The following GATAD2B variants were observed in gnomAD, a reference collection of about 807,000 sequenced individuals.
The protein encoded by GATAD2B is GATA zinc finger domain containing 2B, also known as transcriptional repressor p66-beta.
In GATAD2B, 8 loss-of-function variants were observed where a neutral mutation model predicts 64.3. The observed-to-expected ratio is 0.12, with a 90% confidence interval of 0.07 to 0.22. The LOEUF is 0.22. Ranked by LOEUF, GATAD2B falls within the 10% of genes least tolerant of loss-of-function variation. The pLI is 1.00. For missense variants in GATAD2B, 453 were observed against 752.0 expected, an observed-to-expected ratio of 0.60 and a Z score of 4.65; for synonymous variants, 281 against 271.3, an observed-to-expected ratio of 1.04 and a Z score of -0.35.
chr1:153,910,408 T>G (rs188254320), intron 1 of GATAD2B, among the ~76,000 whole-genome samples: 11 of 152,302 alleles, frequency 7.2e-5, no homozygotes, highest in African/African-American at 2.6e-4. Context: ...TGGTATAATA[T>G]TCAATAAATT....
At chr1:153,852,573 T>C (rs1675939408) in intron 1 of GATAD2B, 2 of 773,124 alleles carry the variant, frequency 2.6e-6, no homozygotes, top group Admixed American at 1.7e-5. Context: ...CTAGAGCTTA[T>C]CCTGAGCATC....
intron 1 of GATAD2B, chr1:153,914,747 A>G (rs1678212816): frequency 6.5e-6 from 1 of 152,696 alleles, no homozygotes; most frequent in African/African-American, 2.4e-5. Context: ...CTGCCTGGGC[A>G]ACACAGGGAG....
rs577507002 is a variant in GATAD2B at position 153,809,910 on chromosome 1, G to T, written c.*267C>A. 10 of 354,102 alleles carry T rather than the reference G, an allele frequency of 2.8e-5. No individual in the cohort carries two copies. In the South Asian group the frequency reaches 4.0e-4, roughly 14 times the overall value. The allele number at this position is 354,102 out of a possible 1,614,324, so 21.9% of individuals were successfully genotyped here. A position where few individuals can be genotyped will look rare whatever the true frequency, so the allele number is the denominator to read the frequency against. ...GACCTCATTCTGACCTCTATCAGAGGTAAAGATCCACCTCACTGTTAAAGA... is the reference window on the plus strand; with the variant it reads ...GACCTCATTCTGACCTCTATCAGAGTTAAAGATCCACCTCACTGTTAAAGA... On this transcript the variant is annotated 3_prime_UTR_variant, in exon 11 of 11. Transcript: ENST00000368655.
intron 5 of GATAD2B, 81 bp from the exon 6 acceptor site, chr1:153,817,623 A>G (rs1317198287): frequency 1.1e-6 from 1 of 935,558 alleles, no homozygotes; most frequent in Non-Finnish European, 1.5e-6. Flanking sequence ...AAGGGAAAAC[A>G]CTGCCTATAA....
In GATAD2B at chr1:153,841,548, G is replaced by C. The variant is rs183276291; in HGVS notation, c.-1-13200C>G. Among the ~76,000 whole-genome samples, 28 of 152,254 alleles carry C rather than the reference G, an allele frequency of 1.8e-4. 1 individual carries two copies. The Middle Eastern group carries it at 0.024, about 129-fold the overall frequency. ...AAACTATTATAAAGTTGGAATCATA[G>C]AGTATGTAACTTTTAGGACTGGCCT... is the stretch of plus-strand genomic sequence containing the variant. On this transcript the variant is annotated intron_variant, in intron 1 of 10. Transcript: ENST00000368655.
At chr1:153,901,494 T>C (rs565872476) in intron 1 of GATAD2B, among the ~76,000 whole-genome samples, 292 of 152,280 alleles carry the variant, frequency 1.9e-3, no homozygotes, top group Non-Finnish European at 2.9e-3. Context: ...ATTTTGATAC[T>C]TCCATGAAAG....
intron 1 of GATAD2B, chr1:153,852,094 CA>C (rs1675917166): frequency 5.2e-6 from 3 of 573,758 alleles, no homozygotes; most frequent in Non-Finnish European, 6.3e-6. Flanking sequence ...GTGACAGGGG[CA>C]AGTTTAATGA....
At chr1:153,840,047 TTTGAGACGGAGTCTCACTC>T in intron 1 of GATAD2B, among the ~76,000 whole-genome samples, 1 of 146,558 alleles carries the variant, frequency 6.8e-6, no homozygotes, top group Non-Finnish European at 1.5e-5. Context: ...TTTTTTTTTT[TTTGAGACGGAGTCTCACTC>T]TTGTTGCCCA....
chr1:153,874,824 GCCTTGGCCCCC>G (rs1676774734), intron 1 of GATAD2B, among the ~76,000 whole-genome samples: 1 of 151,548 alleles, frequency 6.6e-6, no homozygotes, highest in Admixed American at 6.6e-5. Context: ...TGATCCACTC[GCCTTGGCCCCC>G]CAAAGTGCTG....
chr1:153,845,040 C>T (rs1457710190), intron 1 of GATAD2B, among the ~76,000 whole-genome samples: 1 of 151,922 alleles, frequency 6.6e-6, no homozygotes, highest in Non-Finnish European at 1.5e-5. Context: ...GACTTTAAAA[C>T]AGATATTAAT....
At position 153,810,206 on chromosome 1, in the gene GATAD2B, T is replaced by C. The variant is rs372276373; in HGVS notation, c.1753A>G (p.Ile585Val). 121 of 1,612,452 alleles carry C rather than the reference T, an allele frequency of 7.5e-5. No homozygotes were observed. Among genetic ancestry groups the C allele is most frequent in the Non-Finnish European group, 9.7e-5 (114 of 1,179,412 alleles). ...TTCTGTCCACTGATGGACTGCGATATAGACCGGGGAGGGATCATGTCTAAA... is the reference window on the plus strand; with the variant it reads ...TTCTGTCCACTGATGGACTGCGATACAGACCGGGGAGGGATCATGTCTAAA... ...YLLDMIPPRS[I>V]SQSISGQK The change falls in exon 11 of 11, where the codon ATA becomes GTA. Residue 585 changes from isoleucine to valine, a missense_variant. Physicochemically the swap from Ile to Val is conservative, Grantham distance 29. Around this residue, in one of 2 missense-constraint regions of GATAD2B, gnomAD observed 160 missense variants for 334.7 expected, o/e 0.48. Transcript: ENST00000368655.
chr1:153,861,258 A>G (rs1676269623), intron 1 of GATAD2B, among the ~76,000 whole-genome samples: 1 of 152,070 alleles, frequency 6.6e-6, no homozygotes, highest in South Asian at 2.1e-4. Context: ...ACTTGTCAGA[A>G]AAGTAAAAAT....
intron 1 of GATAD2B, 105 bp from the exon 2 acceptor site, chr1:153,828,453 C>CAG: frequency 4.9e-6 from 3 of 607,472 alleles, no homozygotes; most frequent in East Asian, 2.8e-5. Flanking sequence ...CTCTCTCACA[C>CAG]ATACACACAC....
chr1:153,864,036 G>A (rs773470791), intron 1 of GATAD2B, among the ~76,000 whole-genome samples: 2 of 152,184 alleles, frequency 1.3e-5, no homozygotes, highest in Non-Finnish European at 2.9e-5. Flanking sequence ...TACCATGGAA[G>A]TAATAATAAT....
chr1:153,872,174 C>T (rs775770023), intron 1 of GATAD2B, among the ~76,000 whole-genome samples: 4 of 151,568 alleles, frequency 2.6e-5, no homozygotes, highest in Non-Finnish European at 4.4e-5. Flanking sequence ...GAAAAAGTAG[C>T]TGGGTGTGGT....
intron 10 of GATAD2B, chr1:153,811,449 G>A (rs944434634): frequency 1.7e-5 from 8 of 458,982 alleles, no homozygotes; most frequent in Non-Finnish European, 3.1e-5. Flanking sequence ...CTGCTGTCCC[G>A]GCCAAAAGAG....
chr1:153,911,745 AC>A (rs1678114374), intron 1 of GATAD2B, among the ~76,000 whole-genome samples: 1 of 147,960 alleles, frequency 6.8e-6, no homozygotes, highest in East Asian at 2.6e-4. Context: ...TCAAAAAAAA[AC>A]AAAAAACAAA....
chr1:153,915,255 T>C (rs1419632070), intron 1 of GATAD2B, among the ~76,000 whole-genome samples: 1 of 151,974 alleles, frequency 6.6e-6, no homozygotes, highest in Non-Finnish European at 1.5e-5. Context: ...TGAAACCCCG[T>C]TTCTACTAAA....
At chr1:153,866,265 T>G (rs1463117637) in intron 1 of GATAD2B, among the ~76,000 whole-genome samples, 3 of 149,764 alleles carry the variant, frequency 2.0e-5, no homozygotes, top group South Asian at 2.1e-4. Context: ...AATAGAGAGG[T>G]GAGAATGTTA....
Sources: allele counts gnomAD v4.1 joint callset (sites outside exome capture counted in the v4.1 genomes callset), GRCh38; gene constraint gnomAD v4.1.1; regional missense constraint gnomAD v4.1.1; transcripts MANE v1.5; gene names NCBI Gene and HGNC (gene_info 2026-07-23, HGNC 2026-07-21).